REEP1: variants seen among roughly 807,000 people sequenced by gnomAD.
REEP1 encodes the protein receptor expression-enhancing protein 1.
Under a neutral mutation model 40.3 loss-of-function variants are expected in REEP1, and 22 were observed. The observed-to-expected ratio is 0.55, with a 90% CI of 0.39 to 0.78. REEP1 has a LOEUF of 0.78. Among genes scored for constraint, REEP1 ranks in the 30% least tolerant of loss-of-function variants. The pLI, the probability that REEP1 is intolerant of heterozygous loss-of-function variation, is 0.00. For synonymous variants in REEP1, 116 were observed against 139.2 expected (o/e 0.83, Z 1.17); for missense variants, 280 against 361.1 (o/e 0.78, Z 1.82).
intron 5 of REEP1, among the ~76,000 whole-genome samples, chr2:86,250,966 T>C (rs1190216725): frequency 1.3e-5 from 2 of 152,192 alleles, no homozygotes; most frequent in Non-Finnish European, 2.9e-5. Context: ...ATCATCTTCT[T>C]GCAAACCTTT....
intron 3 of REEP1, among the ~76,000 whole-genome samples, chr2:86,258,976 T>C (rs1413549511): frequency 6.6e-6 from 1 of 152,280 alleles, no homozygotes; most frequent in Non-Finnish European, 1.5e-5. Context: ...GTATAGAGCA[T>C]TTCTGGAAGA....
intron 5 of REEP1, 131 bp from the exon 6 acceptor site, chr2:86,232,933 G>A: frequency 2.3e-6 from 2 of 883,342 alleles, no homozygotes; most frequent in Non-Finnish European, 3.6e-6. Flanking sequence ...AGGCGCAGGT[G>A]CCCAGACATA....
intron 2 of REEP1, 86 bp downstream of exon 2, chr2:86,282,084 T>C (rs1678125852): frequency 4.5e-6 from 4 of 888,766 alleles, no homozygotes; most frequent in African/African-American, 1.6e-5. Context: ...CCAGTGCCCA[T>C]AGCACGGAGG....
intron 1 of REEP1, among the ~76,000 whole-genome samples, chr2:86,322,786 G>T (rs1311049865): frequency 6.6e-6 from 1 of 151,932 alleles, no homozygotes; most frequent in African/African-American, 2.4e-5. Flanking sequence ...TGGGCGTGGT[G>T]GTGCACACCT....
chr2:86,245,124 G>A (rs1675864635), intron 5 of REEP1, among the ~76,000 whole-genome samples: 1 of 152,062 alleles, frequency 6.6e-6, no homozygotes, highest in Non-Finnish European at 1.5e-5. Context: ...TCCAGCCTGG[G>A]CAAGAGTGAG....
chr2:86,217,040 C>CA lies in REEP1; in HGVS notation c.853dup (p.Ter285LeufsTer35). 1.2e-6 allele frequency: 2 copies of CA among 1,613,448 alleles called. No homozygotes were observed. Among genetic ancestry groups the CA allele is most frequent in the East Asian group, 2.2e-5 (1 of 44,872 alleles). On this transcript the variant is annotated frameshift_variant and stop_lost, in exon 9 of 9. Coordinates refer to ENST00000538924, the MANE Select transcript of REEP1 (RefSeq NM_001371279.1). LOFTEE classifies it high-confidence loss of function. ...TCCGGTGCTGTTGGCTCATCTCACT[C>CA]ACGTGGTTTCGGTGGCCGAGGATGA... is the stretch of plus-strand genomic sequence containing the variant.
At chr2:86,248,464 T>C (rs1676088768) in intron 5 of REEP1, among the ~76,000 whole-genome samples, 1 of 152,148 alleles carries the variant, frequency 6.6e-6, no homozygotes, top group South Asian at 2.1e-4. Flanking sequence ...TATTTATTTA[T>C]TGAGACAAGG....
chr2:86,256,956 C>T (rs1216893246), intron 3 of REEP1, among the ~76,000 whole-genome samples: 2 of 152,166 alleles, frequency 1.3e-5, no homozygotes, highest in Non-Finnish European at 2.9e-5. Flanking sequence ...CCCTATCCCC[C>T]AGTCAGTAGC....
At chr2:86,229,544 A>T (rs114906158) in intron 6 of REEP1, among the ~76,000 whole-genome samples, 5,221 of 146,626 alleles carry the variant, frequency 0.036, 127 homozygotes, top group East Asian at 0.075. Context: ...AGAGCCTCTG[A>T]CCCAGGAAAT....
At chr2:86,236,140 C>T (rs760372668) in intron 5 of REEP1, among the ~76,000 whole-genome samples, 1 of 151,552 alleles carries the variant, frequency 6.6e-6, no homozygotes. Flanking sequence ...CTTTTGAACC[C>T]GGGAGGTGGA....
At chr2:86,270,905 A>T (rs1222501549) in intron 2 of REEP1, among the ~76,000 whole-genome samples, 5 of 127,640 alleles carry the variant, frequency 3.9e-5, no homozygotes, top group East Asian at 3.2e-4. Context: ...AAATTTGATT[A>T]AAAAAAAAAT....
chr2:86,246,033 G>T (rs1384133641), intron 5 of REEP1, among the ~76,000 whole-genome samples: 1 of 152,026 alleles, frequency 6.6e-6, no homozygotes, highest in African/African-American at 2.4e-5. Flanking sequence ...CAAAGTGCTG[G>T]GATTACAGGC....
chr2:86,280,289 C>T (rs1050742805), intron 2 of REEP1, among the ~76,000 whole-genome samples: 2 of 152,228 alleles, frequency 1.3e-5, no homozygotes, highest in Admixed American at 6.5e-5. Context: ...CTGGGAAAAG[C>T]ATGTGCTCAG....
chr2:86,320,485 C>G lies in REEP1; in HGVS notation c.32+16994G>C, dbSNP rs59697218. Among the ~76,000 whole-genome samples the G allele has an allele frequency of 3.1e-3, 470 of 152,252 alleles. 11 individuals are homozygous for G. The East Asian group carries it at 0.062, about 20-fold the overall frequency. ...AAAGAAAAGAAAAAATTACAAGACA[C>G]ATAACGCACCTTGATTGGGAGCCAC... On this transcript the variant is annotated intron_variant, in intron 1 of 8. Transcript: ENST00000538924.
At chr2:86,238,870 G>A (rs931118818) in intron 5 of REEP1, among the ~76,000 whole-genome samples, 1 of 152,136 alleles carries the variant, frequency 6.6e-6, no homozygotes, top group African/African-American at 2.4e-5. Flanking sequence ...CACCCCAAGT[G>A]AGGTCTTTGT....
intron 7 of REEP1, among the ~76,000 whole-genome samples, chr2:86,226,111 C>CCACCACCACCAT (rs1553457298): frequency 7.1e-6 from 1 of 141,036 alleles, no homozygotes; most frequent in African/African-American, 2.6e-5. Flanking sequence ...ACCACCACCA[C>CCACCACCACCAT]CACCATCATC....
At chr2:86,337,984 C>G, upstream of REEP1, 1 of 1,517,844 alleles carries the variant, frequency 6.6e-7, no homozygotes, top group Non-Finnish European at 8.9e-7. The surrounding 1 kb of genome is among the most constrained non-coding windows in gnomAD (Gnocchi z 5.8). Context: ...ATGCTGTCAT[C>G]CCTCATTCAG....
At chr2:86,236,948 A>C (rs1014641750) in intron 5 of REEP1, among the ~76,000 whole-genome samples, 2 of 152,100 alleles carry the variant, frequency 1.3e-5, no homozygotes, top group Non-Finnish European at 2.9e-5. Context: ...GTTAGCCAGG[A>C]TGGTCTCGAT....
At chr2:86,322,562 T>C (rs116614478) in intron 1 of REEP1, among the ~76,000 whole-genome samples, 171 of 152,142 alleles carry the variant, frequency 1.1e-3, no homozygotes, top group African/African-American at 4.0e-3. Flanking sequence ...TCTCCTGCCC[T>C]GGCTCAGCCT....
Sources: gnomAD v4.1 joint callset for allele counts (sites outside exome capture counted in the v4.1 genomes callset) on GRCh38, gnomAD v4.1.1 for gene constraint, Gnocchi (gnomAD v3.1) non-coding constraint, MANE v1.5 for transcripts, NCBI Gene and HGNC (gene_info 2026-07-23, HGNC 2026-07-21) for gene names.